RAD23A: variants seen among roughly 807,000 people sequenced by gnomAD.
The protein encoded by RAD23A is lysine-specific demethylase RAD23A.
RAD23A carries 16 observed loss-of-function variants against 44.8 expected under a neutral mutation model. The observed-to-expected ratio is 0.36, with a 90% CI of 0.24 to 0.54. RAD23A has a LOEUF of 0.54. Ranked by LOEUF, RAD23A falls within the 20% of genes least tolerant of loss-of-function variation. RAD23A has a pLI of 0.89. For missense variants in RAD23A, 380 were observed against 483.3 expected, an observed-to-expected ratio of 0.79 and a Z score of 2.00; for synonymous variants, 217 against 202.9, an observed-to-expected ratio of 1.07 and a Z score of -0.59.
At position 12,948,622 on chromosome 19, in the gene RAD23A, G is replaced by C; in HGVS notation, c.473-64G>C. The C allele has an allele frequency of 6.3e-7, 1 of 1,581,214 alleles. No homozygotes were observed. The highest frequency in any genetic ancestry group is 8.6e-7 in the Non-Finnish European group (1 of 1,163,788). ...CATCAGCTGGGCCTTGTCTGGGTGC[G>C]GGAGGGCCTGGGAGCTGCCCTTTCC... On this transcript the variant is annotated intron_variant, in intron 4 of 8. Coordinates refer to ENST00000586534, the MANE Select transcript of RAD23A (RefSeq NM_005053.4). This position sits in a 1 kb window ranked among gnomAD's most constrained non-coding sequence, Gnocchi z 5.5.
chr19:12,951,144 G>C (rs1971800335), intron 7 of RAD23A, among the ~76,000 whole-genome samples: 2 of 152,032 alleles, frequency 1.3e-5, no homozygotes, highest in East Asian at 1.9e-4. Context: ...TTTTTGGTTT[G>C]GGGGCTGGTA....
rs1225042919 is a variant in RAD23A at position 12,947,794 on chromosome 19, A to G, written c.73-54A>G. On this transcript the variant is annotated intron_variant, in intron 1 of 8. Coordinates refer to ENST00000586534, the MANE Select transcript of RAD23A (RefSeq NM_005053.4). ...TGGCAGTTTCTCTGTCCTAAACTAG[A>G]AGGGAAAAGAGAATCTTGGGGTCTC... 1.3e-5 allele frequency: 21 copies of G among 1,579,266 alleles called. No homozygotes were observed. The East Asian group carries it at 4.0e-4, about 30-fold the overall frequency.
At position 12,948,257 on chromosome 19, in the gene RAD23A, T is replaced by C; in HGVS notation, c.315T>C (p.Pro105=). 1 of 1,613,810 alleles carries C rather than the reference T, an allele frequency of 6.2e-7. No homozygotes were observed. Among genetic ancestry groups the C allele is most frequent in the South Asian group, 1.1e-5 (1 of 91,068 alleles). Residue 105 remains proline, a synonymous_variant, in exon 3 of 9, where the codon CCT becomes CCC. Transcript: ENST00000586534. The surrounding 1 kb of genome is among the most constrained non-coding windows in gnomAD (Gnocchi z 5.5). ...AAPESSTSFP[P]APTSGMSHPP... is the part of the protein sequence containing the mutation. ...CAGAGTCCTCTACATCCTTCCCGCC[T>C]GCCCCCACCTCAGGCATGTCCCATC...
chr19:12,946,440 C>T (rs1971676634), intron 1 of RAD23A, among the ~76,000 whole-genome samples: 2 of 152,172 alleles, frequency 1.3e-5, no homozygotes, highest in African/African-American at 2.4e-5. Flanking sequence ...ACGACAACAA[C>T]GATGTTAATG....
Position 12,945,866 on chromosome 19 carries a change from C to A in RAD23A, c.-83C>A. ...CGGAAGTGGTCGGCGCGCGGCGCGG[C>A]GCGCCTGGGCGCTAAGATGGCGGCG... On this transcript the variant is annotated 5_prime_UTR_variant, in exon 1 of 9. Coordinates refer to ENST00000586534, the MANE Select transcript of RAD23A (RefSeq NM_005053.4). The A allele has an allele frequency of 6.8e-7, 1 of 1,466,836 alleles. No individual in the cohort carries two copies. Among genetic ancestry groups the A allele is most frequent in the South Asian group, 1.2e-5 (1 of 86,336 alleles). 90.9% of individuals were successfully genotyped at this position (1,466,836 alleles called of 1,614,324 possible).
chr19:12,951,533 G>A lies in RAD23A; in HGVS notation c.814-1156G>A, dbSNP rs895507002. Reference sequence around the variant, plus strand: ...GTGATCTCAGCTCACCGTAACCTCCGCCTCCTGGGTTCAAGAGATTCTCCT... The same window carrying A: ...GTGATCTCAGCTCACCGTAACCTCCACCTCCTGGGTTCAAGAGATTCTCCT... On this transcript the variant is annotated intron_variant, in intron 7 of 8. Coordinates refer to ENST00000586534, the MANE Select transcript of RAD23A (RefSeq NM_005053.4). Among the ~76,000 whole-genome samples the A allele has an allele frequency of 7.2e-5, 11 of 152,110 alleles. No homozygotes were observed. In the East Asian group the frequency reaches 1.2e-3, roughly 16 times the overall value.
Position 12,949,357 on chromosome 19 carries a change from G to C in RAD23A, c.762G>C (p.Leu254=). Residue 254 remains leucine, a synonymous_variant, in exon 7 of 9, where the codon CTG becomes CTC. Transcript: ENST00000586534. The stretch of plus-strand genomic sequence containing the variant: ...AGGTGATTCAGCAGAACCCTGCGCT[G>C]CTGCCCGCCCTGCTCCAGCAGCTGG... ...MRQVIQQNPA[L]LPALLQQLGQ... 1.2e-6 allele frequency: 2 copies of C among 1,614,108 alleles called. No homozygotes were observed. The highest frequency in any genetic ancestry group is 4.5e-5 in the East Asian group (2 of 44,882).
In RAD23A at chr19:12,948,783, C is replaced by T. The variant is rs2146035185; in HGVS notation, c.570C>T (p.Asn190=). 6.2e-7 allele frequency: 1 copy of T among 1,612,626 alleles called. No homozygotes were observed. Among genetic ancestry groups the T allele is most frequent in the South Asian group, 1.1e-5 (1 of 91,022 alleles). The change falls in exon 5 of 9, where the codon AAC becomes AAT. Residue 190 remains asparagine, a synonymous_variant. Coordinates refer to ENST00000586534, the MANE Select transcript of RAD23A (RefSeq NM_005053.4). This position sits in a 1 kb window ranked among gnomAD's most constrained non-coding sequence, Gnocchi z 5.5. ...CCGCCCTGAGAGCCAGCTACAACAA[C>T]CCCCACCGAGCCGTGGAGTATCTGC... ...VVAALRASYN[N]PHRAVEYLLT...
At chr19:12,950,026 A>G (rs1439950432) in intron 7 of RAD23A, among the ~76,000 whole-genome samples, 1 of 151,192 alleles carries the variant, frequency 6.6e-6, no homozygotes, top group Non-Finnish European at 1.5e-5. Context: ...CTTCATCTGC[A>G]CTCAGCCCTC....
rs756523126 is a variant in RAD23A, at chr19:12,949,139, A to C, written c.659A>C (p.Glu220Ala). The C allele has an allele frequency of 2.5e-6, 4 of 1,613,974 alleles. No homozygotes were observed. Among genetic ancestry groups the C allele is most frequent in the Non-Finnish European group, 3.4e-6 (4 of 1,179,916 alleles). The change falls in exon 6 of 9, where the codon GAG becomes GCG. Residue 220 changes from glutamate (E) to alanine (A), a missense_variant. By Grantham distance (107) the Glu-to-Ala change is moderately radical (BLOSUM62 -1). This residue lies in a region of RAD23A where 279 missense variants were observed against 313.7 expected (regional missense o/e 0.89). Transcript: ENST00000586534. ...HGSVQESQVS[E>A]QPATEAAGEN... is the part of the protein sequence containing the mutation. ...TCTGTCCAGGAGAGCCAGGTATCGG[A>C]GCAGCCGGCCACGGAAGCAGGTGGG... is the stretch of plus-strand genomic sequence containing the variant.
Position 12,952,805 on chromosome 19 carries a change from G to A in RAD23A, c.930G>A (p.Gln310=), listed in dbSNP as rs1253175395. ...EVGAIGEEAP[Q]MNYIQVTPQE... is the part of the protein sequence containing the mutation. ...GCGCCATAGGAGAGGAGGCCCCGCAGATGAACTACATCCAGGTGACGCCGC... is the reference window on the plus strand; with the variant it reads ...GCGCCATAGGAGAGGAGGCCCCGCAAATGAACTACATCCAGGTGACGCCGC... The change falls in exon 8 of 9, where the codon CAG becomes CAA. Residue 310 remains glutamine, a synonymous_variant. Transcript: ENST00000586534. 6.2e-7 allele frequency: 1 copy of A among 1,611,598 alleles called. No individual in the cohort carries two copies. The highest frequency in any genetic ancestry group is 1.7e-5 in the Admixed American group (1 of 59,446).
At chr19:12,949,058 G>C (rs3865487) in intron 5 of RAD23A, 23 bp from the exon 6 acceptor site, 1 of 1,604,574 alleles carries the variant, frequency 6.2e-7, no homozygotes, top group Non-Finnish European at 8.5e-7. Flanking sequence ...CTGTGCATTA[G>C]AACTAAACAG....
chr19:12,949,997 C>A (rs994945883), intron 7 of RAD23A, among the ~76,000 whole-genome samples: 3 of 152,158 alleles, frequency 2.0e-5, no homozygotes, highest in South Asian at 4.2e-4. Flanking sequence ...CTTGCCAGCT[C>A]CTCCTGGTCG....
At chr19:12,949,513 A>AC in intron 7 of RAD23A, 105 bp downstream of exon 7, 2 of 1,465,420 alleles carry the variant, frequency 1.4e-6, no homozygotes, top group South Asian at 2.5e-5. Context: ...GGAAAGCAGG[A>AC]CTAAGCACAT....
In RAD23A at chr19:12,948,155, TC is replaced by T; in HGVS notation, c.235-19del. On this transcript the variant is annotated intron_variant, in intron 2 of 8. Transcript: ENST00000586534. This position sits in a 1 kb window ranked among gnomAD's most constrained non-coding sequence, Gnocchi z 5.5. ...GTCTGATAGGGTTGCTGATGCCAGC[TC>T]CCTTTTTCTTGCTGTTGCAGACCAA... 1 of 1,613,840 alleles carries T rather than the reference TC, an allele frequency of 6.2e-7. No homozygotes were observed. The highest frequency in any genetic ancestry group is 8.5e-7 in the Non-Finnish European group (1 of 1,179,930).
intron 7 of RAD23A, among the ~76,000 whole-genome samples, chr19:12,950,204 C>T (rs543939031): frequency 6.6e-5 from 10 of 152,220 alleles, no homozygotes; most frequent in South Asian, 2.1e-4. Flanking sequence ...CAGTCCTCCC[C>T]GATCTCTGCA....
intron 1 of RAD23A, 46 bp downstream of exon 1, chr19:12,946,066 G>A (rs1341012738): frequency 2.2e-6 from 3 of 1,338,134 alleles, no homozygotes; most frequent in Non-Finnish European, 3.1e-6. Context: ...CGGGTTTCGG[G>A]GGTGGGGTGG....
Position 12,948,768 on chromosome 19 carries a change from A to C in RAD23A, c.555A>C (p.Arg185Ser). 6.2e-7 allele frequency: 1 copy of C among 1,613,150 alleles called. No individual in the cohort carries two copies. Among genetic ancestry groups the C allele is most frequent in the South Asian group, 1.1e-5 (1 of 91,054 alleles). ...YERERVVAALRASYNNPHRAV... is the reference protein window; with the variant it reads ...YERERVVAALSASYNNPHRAV... ...GAGAGCGGGTCGTGGCCGCCCTGAG[A>C]GCCAGCTACAACAACCCCCACCGAG... The change falls in exon 5 of 9, where the codon AGA (arginine) becomes AGC (serine). Residue 185 changes from arginine (R) to serine (S), a missense_variant. Transcript: ENST00000586534. This position sits in a 1 kb window ranked among gnomAD's most constrained non-coding sequence, Gnocchi z 5.5.
intron 7 of RAD23A, chr19:12,952,445 G>A (rs1328831669): frequency 7.0e-6 from 3 of 429,016 alleles, no homozygotes; most frequent in Non-Finnish European, 8.3e-6. Flanking sequence ...ACCTGCCTCT[G>A]CCTCCCAAAG....
Sources: gnomAD v4.1 joint callset for allele counts (sites outside exome capture counted in the v4.1 genomes callset) on GRCh38, gnomAD v4.1.1 for gene constraint, gnomAD v4.1.1 regional missense constraint, Gnocchi (gnomAD v3.1) non-coding constraint, MANE v1.5 for transcripts, NCBI Gene and HGNC (gene_info 2026-07-23, HGNC 2026-07-21) for gene names.